Variants in HELZ observed in about 807,000 individuals in gnomAD.
HELZ encodes the protein helicase with zinc finger.
In HELZ, 23 loss-of-function variants were observed where a neutral mutation model predicts 218.2. The observed-to-expected ratio is 0.11, with a 90% CI of 0.08 to 0.15. The LOEUF is 0.15. HELZ is among the 10% of genes least tolerant of loss of function. The pLI is 1.00. For missense variants in HELZ, 1,813 were observed against 2,353.7 expected (o/e 0.77, Z 4.75); for synonymous variants, 814 against 829.4 (o/e 0.98, Z 0.32).
intron 5 of HELZ, among the ~76,000 whole-genome samples, chr17:67,206,792 T>C (rs1374815055): frequency 6.6e-6 from 1 of 151,188 alleles, no homozygotes. Context: ...AGAGACGGGC[T>C]TTCTCCATGT....
chr17:67,151,283 T>C, intron 17 of HELZ, 59 bp from the exon 18 acceptor site: 1 of 1,299,396 alleles, frequency 7.7e-7, no homozygotes, highest in Non-Finnish European at 1.1e-6. Flanking sequence ...AGTATCTAGT[T>C]ATTAAAACAC....
intron 27 of HELZ, chr17:67,120,129 A>C: frequency 2.7e-6 from 1 of 368,170 alleles, no homozygotes; most frequent in South Asian, 2.2e-5. Flanking sequence ...TCAGCCTCCC[A>C]AGTAGCTGGG....
At chr17:67,165,628 G>C (rs570113676) in intron 15 of HELZ, among the ~76,000 whole-genome samples, 1 of 152,276 alleles carries the variant, frequency 6.6e-6, no homozygotes, top group South Asian at 2.1e-4. Flanking sequence ...CCAGTGAAGA[G>C]ATGAAAAGAC....
chr17:67,078,556 T>C lies in HELZ; in HGVS notation c.5525A>G (p.Asp1842Gly). 2 of 1,496,184 alleles carry C rather than the reference T, an allele frequency of 1.3e-6. No individual in the cohort carries two copies. Among genetic ancestry groups the C allele is most frequent in the Non-Finnish European group, 1.8e-6 (2 of 1,123,692 alleles). 92.7% of individuals were successfully genotyped at this position (1,496,184 alleles called of 1,614,324 possible). Residue 1842 changes from aspartate to glycine, a missense_variant, in exon 33 of 33, where the codon GAT (aspartate) becomes GGT (glycine). Physicochemically the swap from Asp to Gly is moderately conservative, Grantham distance 94 (BLOSUM62 -1). Coordinates refer to ENST00000358691, the MANE Select transcript of HELZ (RefSeq NM_014877.4). The stretch of plus-strand genomic sequence containing the variant: ...CTCGAGGTTCTCCGACTTCAGTTGA[T>C]CCTCAGGGGGTTTGACAGTCTTGGG... ...APPKTVKPPE[D>G]QLKSENLEVS...
At chr17:67,089,666 T>TAGAGAGAG (rs1204609061) in intron 31 of HELZ, among the ~76,000 whole-genome samples, 12 of 54,824 alleles carry the variant, frequency 2.2e-4, no homozygotes, top group Admixed American at 9.6e-4. Flanking sequence ...TATATATATA[T>TAGAGAGAG]ATAGAGAGAG....
intron 14 of HELZ, among the ~76,000 whole-genome samples, chr17:67,166,811 A>G (rs1035658179): frequency 6.6e-6 from 1 of 152,218 alleles, no homozygotes; most frequent in Non-Finnish European, 1.5e-5. Flanking sequence ...GTACTTTACT[A>G]TGGATTATCT....
At chr17:67,144,391 T>C (rs1293181470) in intron 21 of HELZ, among the ~76,000 whole-genome samples, 1 of 151,816 alleles carries the variant, frequency 6.6e-6, no homozygotes, top group Non-Finnish European at 1.5e-5. Context: ...TCAAGGTGGT[T>C]TGAAATGTCT....
At chr17:67,237,078 G>A (rs189337475) in intron 3 of HELZ, among the ~76,000 whole-genome samples, 20 of 152,242 alleles carry the variant, frequency 1.3e-4, no homozygotes, top group Admixed American at 1.0e-3. Flanking sequence ...AGTGGTTCAC[G>A]CCTGTAATCC....
intron 6 of HELZ, among the ~76,000 whole-genome samples, chr17:67,202,197 T>A (rs529853823): frequency 2.6e-5 from 4 of 152,086 alleles, no homozygotes; most frequent in Non-Finnish European, 5.9e-5. Flanking sequence ...TTCTTGAAAA[T>A]TATCAACAAA....
intron 12 of HELZ, among the ~76,000 whole-genome samples, chr17:67,183,645 T>C (rs2039672661): frequency 6.6e-6 from 1 of 152,190 alleles, no homozygotes; most frequent in Admixed American, 6.5e-5. Context: ...CAAAACAGAA[T>C]TCCAAATCAA....
chr17:67,245,250 T>A (rs900826421), upstream of HELZ: 3 of 961,604 alleles, frequency 3.1e-6, no homozygotes, highest in Non-Finnish European at 3.7e-6. Flanking sequence ...GGCCCCCGAC[T>A]CCCGCCTCCC....
intron 13 of HELZ, among the ~76,000 whole-genome samples, chr17:67,172,490 A>AC (rs1555616272): frequency 2.6e-5 from 4 of 152,010 alleles, no homozygotes; most frequent in Non-Finnish European, 4.4e-5. Context: ...TAATAATCTG[A>AC]TTTTTCCCAA....
At chr17:67,193,926 CA>C in intron 9 of HELZ, 40 bp downstream of exon 9, 1 of 1,441,940 alleles carries the variant, frequency 6.9e-7, no homozygotes, top group Non-Finnish European at 9.7e-7. Flanking sequence ...GTCCTTTCAA[CA>C]AGACATGTCA....
At chr17:67,105,883 G>C (rs1271236905) in intron 31 of HELZ, among the ~76,000 whole-genome samples, 1 of 152,066 alleles carries the variant, frequency 6.6e-6, no homozygotes, top group East Asian at 1.9e-4. Context: ...TGAATACTGG[G>C]ACAATTTGAA....
At chr17:67,186,291 C>G (rs1434159423) in intron 12 of HELZ, among the ~76,000 whole-genome samples, 2 of 152,110 alleles carry the variant, frequency 1.3e-5, no homozygotes, top group East Asian at 3.9e-4. Context: ...AGCCTGATGT[C>G]GTACGAGGCT....
At chr17:67,150,971 T>C in intron 18 of HELZ, 75 bp downstream of exon 18, 1 of 1,299,182 alleles carries the variant, frequency 7.7e-7, no homozygotes, top group East Asian at 2.3e-5. Context: ...GCCCACACAC[T>C]GTAGTTTGCC....
At chr17:67,131,029 T>G (rs1041680353) in intron 23 of HELZ, among the ~76,000 whole-genome samples, 3 of 152,120 alleles carry the variant, frequency 2.0e-5, no homozygotes, top group Non-Finnish European at 4.4e-5. Context: ...GGGACTGTAG[T>G]TGTGTGCCAC....
At chr17:67,244,365 G>A (rs2041409341) in intron 1 of HELZ, among the ~76,000 whole-genome samples, 1 of 152,176 alleles carries the variant, frequency 6.6e-6, no homozygotes. Flanking sequence ...AGAGGACCCT[G>A]GCTTCCAGCC....
chr17:67,123,311 T>C (rs2084560554), intron 25 of HELZ, 151 bp from the exon 26 acceptor site: 1 of 468,990 alleles, frequency 2.1e-6, no homozygotes, highest in Non-Finnish European at 3.6e-6. Context: ...AAGTAAAGCA[T>C]ATTACAAAAA....
Sources: gnomAD v4.1 joint callset for allele counts (sites outside exome capture counted in the v4.1 genomes callset) on GRCh38, gnomAD v4.1.1 for gene constraint, MANE v1.5 for transcripts, NCBI Gene and HGNC (gene_info 2026-07-23, HGNC 2026-07-21) for gene names.